CA13: variants seen among roughly 807,000 people sequenced by gnomAD.
The protein encoded by CA13 is CA-XIII.
CA13 carries 21 observed loss-of-function variants against 31.5 expected under a neutral mutation model. The observed-to-expected ratio is 0.67, with a 90% CI of 0.47 to 0.96. The LOEUF is 0.96. Among genes scored for constraint, CA13 ranks in the 40% least tolerant of loss-of-function variants. The pLI, the probability that CA13 is intolerant of heterozygous loss-of-function variation, is 0.00. For synonymous variants in CA13, 117 were observed against 111.4 expected, an observed-to-expected ratio of 1.05 and a Z score of -0.32; for missense variants, 315 against 318.9, an observed-to-expected ratio of 0.99 and a Z score of 0.09.
rs1253950164 is a variant in CA13, at chr8:85,245,882, G to A, written c.37+17G>A. The A allele has an allele frequency of 1.9e-6, 3 of 1,614,066 alleles. No homozygotes were observed. The East Asian group carries it at 6.7e-5, about 36-fold the overall frequency. ...AGCACAACGGTGAGCGCCTTTTCCT[G>A]ATCCAAGGGGGGGTTTGTGCGGGGG... On this transcript the variant is annotated intron_variant, in intron 1 of 6. Coordinates refer to ENST00000321764, the MANE Select transcript of CA13 (RefSeq NM_198584.3).
intron 2 of CA13, among the ~76,000 whole-genome samples, chr8:85,258,935 A>C (rs1199956247): frequency 1.3e-5 from 2 of 151,918 alleles, no homozygotes; most frequent in Non-Finnish European, 2.9e-5. Context: ...TCAAGGAAAA[A>C]AAAAAAAGAA....
At chr8:85,266,565 G>A (rs1483587363) in intron 3 of CA13, 43 bp from the exon 4 acceptor site, 8 of 1,435,234 alleles carry the variant, frequency 5.6e-6, no homozygotes, top group Non-Finnish European at 6.8e-6. Context: ...TTTTCAGGAT[G>A]TCTAACAAAA....
chr8:85,267,946 G>A lies in CA13; in HGVS notation c.495G>A (p.Leu165=). 6.3e-7 allele frequency: 1 copy of A among 1,589,402 alleles called. No individual in the cohort carries two copies. The highest frequency in any genetic ancestry group is 8.6e-7 in the Non-Finnish European group (1 of 1,162,206). The part of the protein sequence containing the change: ...NSQLQKITDT[L]DSIKEKGKQT... The stretch of plus-strand genomic sequence containing the variant: ...AACTGCAAAAGATTACTGACACTTT[G>A]GATTCCATTAAAGAAAAGGTAAAAT... Residue 165 remains leucine, a synonymous_variant, in exon 5 of 7, where the codon TTG becomes TTA. Coordinates refer to ENST00000321764, the MANE Select transcript of CA13 (RefSeq NM_198584.3).
intron 3 of CA13, among the ~76,000 whole-genome samples, chr8:85,260,643 G>A (rs1220277666): frequency 6.6e-6 from 1 of 152,180 alleles, no homozygotes; most frequent in African/African-American, 2.4e-5. Flanking sequence ...TGTCCTCAGG[G>A]TAGAGAAATA....
chr8:85,263,125 C>G (rs1172603293), intron 3 of CA13, among the ~76,000 whole-genome samples: 1 of 152,088 alleles, frequency 6.6e-6, no homozygotes, highest in Non-Finnish European at 1.5e-5. Flanking sequence ...GTGGGAGCAG[C>G]AAGCTCAAGT....
At chr8:85,246,312 T>C (rs1189568281) in intron 1 of CA13, 1 of 455,784 alleles carries the variant, frequency 2.2e-6, no homozygotes, top group South Asian at 1.6e-5. Context: ...TTTAAAAATA[T>C]ATTTAGGAAA....
rs147563794 is a variant in CA13 at position 85,259,481 on chromosome 8, G to T, written c.296G>T (p.Gly99Val). 531 of 1,614,058 alleles carry T rather than the reference G, an allele frequency of 3.3e-4. 2 individuals are homozygous for T. The African/African-American group carries it at 5.1e-3, about 16-fold the overall frequency. ...YRLRQVHLHW[G>V]SADDHGSEHI... Reference sequence around the variant, plus strand: ...TTACGGCAGGTTCACCTTCACTGGGGGTCCGCTGATGACCACGGCTCCGAG... The same window carrying T: ...TTACGGCAGGTTCACCTTCACTGGGTGTCCGCTGATGACCACGGCTCCGAG... Residue 99 changes from glycine (G) to valine (V), a missense_variant, in exon 3 of 7, where the codon GGG (glycine) becomes GTG (valine). Coordinates refer to ENST00000321764, the MANE Select transcript of CA13 (RefSeq NM_198584.3).
chr8:85,267,944 T>A lies in CA13; in HGVS notation c.493T>A (p.Leu165Met). The change falls in exon 5 of 7, where the codon TTG becomes ATG. Residue 165 changes from leucine (L) to methionine (M), a missense_variant. By Grantham distance (15) the Leu-to-Met change is conservative. Coordinates refer to ENST00000321764, the MANE Select transcript of CA13 (RefSeq NM_198584.3). ...CCAACTGCAAAAGATTACTGACACT[T>A]TGGATTCCATTAAAGAAAAGGTAAA... ...NSQLQKITDT[L>M]DSIKEKGKQT... 6.3e-7 allele frequency: 1 copy of A among 1,590,450 alleles called. No individual in the cohort carries two copies. Among genetic ancestry groups the A allele is most frequent in the South Asian group, 1.1e-5 (1 of 88,476 alleles).
At chr8:85,280,001 G>A (rs1363734937) in intron 6 of CA13, among the ~76,000 whole-genome samples, 3 of 151,930 alleles carry the variant, frequency 2.0e-5, no homozygotes, top group Non-Finnish European at 4.4e-5. Flanking sequence ...CCTCAAAATG[G>A]CCGGGTGCAG....
chr8:85,254,826 A>G (rs2129957847), intron 2 of CA13, among the ~76,000 whole-genome samples: 1 of 148,816 alleles, frequency 6.7e-6, no homozygotes, highest in South Asian at 2.1e-4. Flanking sequence ...AACTATAAAA[A>G]ACACAAAGAT....
rs1442049352 is a variant in CA13, at chr8:85,266,597, C to A, written c.355-11C>A. ...AAAACATTCCTACTATGTTGTATAT[C>A]TCCCTTTCAGCTCCATGTTGTTCAC... On this transcript the variant is annotated splice_polypyrimidine_tract_variant and intron_variant, in intron 3 of 6. Transcript: ENST00000321764. 6.2e-7 allele frequency: 1 copy of A among 1,602,428 alleles called. No homozygotes were observed. The highest frequency in any genetic ancestry group is 8.5e-7 in the Non-Finnish European group (1 of 1,170,918).
At chr8:85,278,032 G>A (rs1326655046) in intron 6 of CA13, among the ~76,000 whole-genome samples, 5 of 151,732 alleles carry the variant, frequency 3.3e-5, no homozygotes, top group Admixed American at 1.3e-4. Flanking sequence ...AGGCTGAGGC[G>A]GGAGGATCAC....
At chr8:85,276,720 T>A (rs1807616105) in intron 6 of CA13, among the ~76,000 whole-genome samples, 1 of 152,140 alleles carries the variant, frequency 6.6e-6, no homozygotes, top group Non-Finnish European at 1.5e-5. Context: ...ATCAGCACTC[T>A]GTATCTAGCT....
intron 1 of CA13, chr8:85,249,681 T>C (rs1330264891): frequency 5.6e-6 from 1 of 178,632 alleles, no homozygotes; most frequent in East Asian, 1.7e-4. Flanking sequence ...TAGTGAAAGA[T>C]TGGTTAGCAA....
rs926679711 is a variant in CA13, at chr8:85,262,096, A to G, written c.354+2557A>G. On this transcript the variant is annotated intron_variant, in intron 3 of 6. Transcript: ENST00000321764. The stretch of plus-strand genomic sequence containing the variant: ...AATGCATATTAAAGAACAGTATACA[A>G]TTCCAAGGGTGGGTGCAGTGGCTCA... Among the ~76,000 whole-genome samples the G allele has an allele frequency of 6.1e-4, 93 of 152,410 alleles. 2 individuals are homozygous for G. The highest frequency in any genetic ancestry group is 2.2e-3 in the African/African-American group (90 of 41,594).
chr8:85,250,587 A>G (rs1425611313), intron 1 of CA13, among the ~76,000 whole-genome samples, 153 bp from the exon 2 acceptor site: 1 of 152,244 alleles, frequency 6.6e-6, no homozygotes, highest in Non-Finnish European at 1.5e-5. Context: ...TTGTAAAAAA[A>G]AACAATTAGA....
intron 6 of CA13, among the ~76,000 whole-genome samples, chr8:85,273,658 T>C (rs1340193510): frequency 2.0e-5 from 3 of 151,922 alleles, no homozygotes; most frequent in Admixed American, 6.5e-5. Flanking sequence ...CCGGGTACTA[T>C]GTAGCAGTCA....
At chr8:85,279,379 A>C (rs547661724) in intron 6 of CA13, among the ~76,000 whole-genome samples, 30 of 152,346 alleles carry the variant, frequency 2.0e-4, no homozygotes, top group African/African-American at 7.2e-4. Flanking sequence ...CAACAGAAAC[A>C]AATCTGAATG....
intron 6 of CA13, among the ~76,000 whole-genome samples, chr8:85,280,640 A>G (rs528591835): frequency 1.3e-5 from 2 of 152,338 alleles, no homozygotes; most frequent in South Asian, 2.1e-4. Context: ...CATATTTTTG[A>G]GAAGATAAAA....
Sources: gnomAD v4.1 joint callset for allele counts (sites outside exome capture counted in the v4.1 genomes callset) on GRCh38, gnomAD v4.1.1 for gene constraint, MANE v1.5 for transcripts, NCBI Gene and HGNC (gene_info 2026-07-23, HGNC 2026-07-21) for gene names.